The following INTS9 variants were observed in gnomAD, a reference collection of about 807,000 sequenced individuals.
INTS9 encodes integrator complex subunit 9, also known as protein related to CPSF subunits of 74 kDa.
Under a neutral mutation model 79.7 loss-of-function variants are expected in INTS9, and 55 were observed. The ratio of observed to expected loss-of-function variants is 0.69; its 90% CI spans 0.56 to 0.86. The LOEUF (loss-of-function observed/expected upper bound fraction) is 0.86, where lower values mean the gene tolerates loss of function less well. Ranked by LOEUF, INTS9 falls within the 40% of genes least tolerant of loss-of-function variation. The pLI is 0.00. For synonymous variants in INTS9, 319 were observed against 325.2 expected (o/e 0.98, Z 0.20); for missense variants, 721 against 831.5 (o/e 0.87, Z 1.64).
Position 28,773,259 on chromosome 8 carries a change from T to C in INTS9, c.1564-2179A>G, listed in dbSNP as rs541271168. The stretch of plus-strand genomic sequence containing the variant: ...CGGGTGGATCACAAGGTCAGGAGAT[T>C]GAGACCATCCTGGCTAACACGATGA... On this transcript the variant is annotated intron_variant, in intron 14 of 16. Coordinates refer to ENST00000521022, the MANE Select transcript of INTS9 (RefSeq NM_018250.4). Among the ~76,000 whole-genome samples the C allele has an allele frequency of 2.2e-3, 331 of 152,140 alleles. 3 individuals are homozygous for C. Among genetic ancestry groups the C allele is most frequent in the Admixed American group, 0.012 (183 of 15,276 alleles).
At chr8:28,786,403 A>G (rs1482899832) in intron 11 of INTS9, among the ~76,000 whole-genome samples, 1 of 151,570 alleles carries the variant, frequency 6.6e-6, no homozygotes, top group African/African-American at 2.4e-5. Flanking sequence ...TGATCCTCCC[A>G]CCCCAGCCTC....
At chr8:28,799,214 T>C (rs1804382540) in intron 8 of INTS9, among the ~76,000 whole-genome samples, 1 of 152,206 alleles carries the variant, frequency 6.6e-6, no homozygotes, top group African/African-American at 2.4e-5. Context: ...GAGAATTGTT[T>C]GAACCCGGGA....
chr8:28,834,398 T>G (rs1405125728), intron 6 of INTS9, among the ~76,000 whole-genome samples: 2 of 152,182 alleles, frequency 1.3e-5, no homozygotes, highest in African/African-American at 4.8e-5. Context: ...ACTTCACATA[T>G]GAGAATCTTC....
At chr8:28,773,403 G>T (rs1480206541) in intron 14 of INTS9, among the ~76,000 whole-genome samples, 1 of 146,498 alleles carries the variant, frequency 6.8e-6, no homozygotes, top group Non-Finnish European at 1.5e-5. Context: ...GGCGGAGCTT[G>T]CAGTGAGCCA....
chr8:28,857,518 T>C (rs974379376), intron 2 of INTS9, among the ~76,000 whole-genome samples: 49 of 152,294 alleles, frequency 3.2e-4, no homozygotes, highest in African/African-American at 1.2e-3. Flanking sequence ...AAAATTGTTT[T>C]TTAAATTTTA....
At chr8:28,842,293 G>C (rs1275255601) in intron 4 of INTS9, among the ~76,000 whole-genome samples, 3 of 152,110 alleles carry the variant, frequency 2.0e-5, no homozygotes, top group South Asian at 2.1e-4. Context: ...CAAGGCAGGA[G>C]AAGCAGGCAC....
rs1415615115 is a variant in INTS9, at chr8:28,818,613, C to G, written c.489-5001G>C. Among the ~76,000 whole-genome samples the G allele has an allele frequency of 2.1e-3, 318 of 150,348 alleles. 3 individuals carry two copies. The highest frequency in any genetic ancestry group is 7.2e-3 in the African/African-American group (298 of 41,288). ...ATCAAGGATATTGGTCTAAAATTCTCTTTTTTGGTTGTGTCTCTGCCCGGC... is the reference window on the plus strand; with the variant it reads ...ATCAAGGATATTGGTCTAAAATTCTGTTTTTTGGTTGTGTCTCTGCCCGGC... On this transcript the variant is annotated intron_variant, in intron 6 of 16. Coordinates refer to ENST00000521022, the MANE Select transcript of INTS9 (RefSeq NM_018250.4).
intron 1 of INTS9, among the ~76,000 whole-genome samples, chr8:28,880,873 A>C: frequency 1.8e-5 from 2 of 112,634 alleles, no homozygotes; most frequent in African/African-American, 3.6e-5. Context: ...CCGGCCGCCC[A>C]TCGTCTGAGA....
intron 6 of INTS9, among the ~76,000 whole-genome samples, chr8:28,828,414 G>C (rs1806273905): frequency 6.6e-6 from 1 of 152,132 alleles, no homozygotes. Flanking sequence ...CTGTGTGACT[G>C]GCATTGTTTT....
At chr8:28,842,474 C>G (rs1205803624) in intron 4 of INTS9, among the ~76,000 whole-genome samples, 4 of 152,206 alleles carry the variant, frequency 2.6e-5, no homozygotes, top group East Asian at 1.9e-4. Flanking sequence ...CCTGAATAAT[C>G]AGAACCCTTC....
At chr8:28,768,391 T>G (rs775021966) in intron 16 of INTS9, 69 bp from the exon 17 acceptor site, 3 of 1,446,100 alleles carry the variant, frequency 2.1e-6, no homozygotes, top group Non-Finnish European at 2.9e-6. Context: ...AAATGACACT[T>G]CACAGACTCG....
At chr8:28,857,864 A>G (rs1232394026) in intron 2 of INTS9, among the ~76,000 whole-genome samples, 1 of 152,182 alleles carries the variant, frequency 6.6e-6, no homozygotes, top group Non-Finnish European at 1.5e-5. Flanking sequence ...GGGGATAGAG[A>G]GGGCCAGGAA....
intron 1 of INTS9, among the ~76,000 whole-genome samples, chr8:28,860,441 A>G (rs779473006): frequency 5.3e-5 from 8 of 151,774 alleles, no homozygotes; most frequent in Non-Finnish European, 8.8e-5. Flanking sequence ...CAAAGGGAAC[A>G]GTGTGCTGAA....
intron 1 of INTS9, among the ~76,000 whole-genome samples, chr8:28,864,853 GT>G (rs1808649674): frequency 6.6e-6 from 1 of 151,994 alleles, no homozygotes; most frequent in African/African-American, 2.4e-5. Flanking sequence ...CAGCATGGTG[GT>G]GCACACCTGT....
chr8:28,808,314 C>T (rs1363025751), intron 8 of INTS9, among the ~76,000 whole-genome samples: 1 of 152,060 alleles, frequency 6.6e-6, no homozygotes, highest in African/African-American at 2.4e-5. Flanking sequence ...CTGCCTCAGC[C>T]TCCCGAGTAT....
chr8:28,793,721 A>G (rs547755787), intron 10 of INTS9, 86 bp downstream of exon 10: 1 of 1,220,282 alleles, frequency 8.2e-7, no homozygotes, highest in Non-Finnish European at 1.1e-6. Context: ...GTAATGTGAG[A>G]AAAAACAGGA....
At chr8:28,875,379 G>A (rs948850064) in intron 1 of INTS9, among the ~76,000 whole-genome samples, 1 of 152,138 alleles carries the variant, frequency 6.6e-6, no homozygotes, top group Admixed American at 6.5e-5. Context: ...CCTTCTACTT[G>A]TAATAACACA....
chr8:28,881,113 C>A (rs1364511939), intron 1 of INTS9, among the ~76,000 whole-genome samples: 1 of 150,466 alleles, frequency 6.6e-6, no homozygotes, highest in Admixed American at 6.6e-5. Context: ...CCACCCCGTC[C>A]GGGAGGGAGG....
chr8:28,782,552 C>T (rs1273074318), intron 11 of INTS9, among the ~76,000 whole-genome samples: 1 of 152,230 alleles, frequency 6.6e-6, no homozygotes, highest in African/African-American at 2.4e-5. Flanking sequence ...CACATACACG[C>T]ACACACACAT....
Sources: allele counts gnomAD v4.1 joint callset (sites outside exome capture counted in the v4.1 genomes callset), GRCh38; gene constraint gnomAD v4.1.1; transcripts MANE v1.5; gene names NCBI Gene and HGNC (gene_info 2026-07-23, HGNC 2026-07-21).